The following SGPP2 variants were observed in gnomAD, a reference collection of about 807,000 sequenced individuals.
SGPP2 encodes the protein sphingosine 1-phosphate phosphohydrolase 2.
SGPP2 carries 30 observed loss-of-function variants against 33.9 expected under a neutral mutation model. The observed-to-expected ratio is 0.89, with a 90% CI of 0.66 to 1.20. The LOEUF (loss-of-function observed/expected upper bound fraction) is 1.20, where lower values mean the gene tolerates loss of function less well. Among genes scored for constraint, SGPP2 ranks in the 50% most tolerant of loss-of-function variants. SGPP2 has a pLI of 0.00. For missense variants in SGPP2, 458 were observed against 532.1 expected (o/e 0.86, Z 1.37); for synonymous variants, 233 against 225.0 (o/e 1.04, Z -0.32).
Position 222,521,851 on chromosome 2 carries a change from A to G in SGPP2, c.463A>G (p.Arg155Gly). Residue 155 changes from arginine to glycine, a missense_variant, in exon 3 of 5, where the codon AGA (arginine) becomes GGA (glycine). Arg to Gly is a moderately radical substitution (Grantham distance 125). Transcript: ENST00000321276. ...SSPPVVKLEK[R>G]LIAEYGMPST... Reference sequence around the variant, plus strand: ...CCCTCCAGTTGTAAAACTGGAAAAGAGACTGATCGCTGAATATGGAATGCC... The same window carrying G: ...CCCTCCAGTTGTAAAACTGGAAAAGGGACTGATCGCTGAATATGGAATGCC... 4 of 1,611,292 alleles carry G rather than the reference A, an allele frequency of 2.5e-6. No homozygotes were observed. The highest frequency in any genetic ancestry group is 3.4e-6 in the Non-Finnish European group (4 of 1,179,022).
chr2:222,510,423 T>C (rs1336546116), intron 2 of SGPP2, among the ~76,000 whole-genome samples: 1 of 152,232 alleles, frequency 6.6e-6, no homozygotes, highest in Non-Finnish European at 1.5e-5. Context: ...GTCAATGACA[T>C]AACCAGTTCC....
intron 1 of SGPP2, among the ~76,000 whole-genome samples, chr2:222,450,371 G>A (rs1697465284): frequency 6.6e-6 from 1 of 152,084 alleles, no homozygotes; most frequent in South Asian, 2.1e-4. Flanking sequence ...AGCCATTTGT[G>A]GAAATTTTCC....
chr2:222,522,438 C>A lies in SGPP2; in HGVS notation c.558+492C>A, dbSNP rs375114782. ...GGATGTCTCTGCCCTGGTTAAGGCT[C>A]AGCCACTAGAAATGATGGCTCAAAG... On this transcript the variant is annotated intron_variant, in intron 3 of 4. Transcript: ENST00000321276. 7.2e-5 allele frequency among the ~76,000 whole-genome samples: 11 copies of A among 152,350 alleles called. 1 individual carries two copies. The East Asian group carries it at 1.5e-3, about 21-fold the overall frequency.
intron 2 of SGPP2, among the ~76,000 whole-genome samples, chr2:222,478,149 G>A (rs1392406719): frequency 6.7e-6 from 1 of 149,130 alleles, no homozygotes; most frequent in East Asian, 2.0e-4. Context: ...CCTGGGGAGA[G>A]AGTGGAGGCC....
chr2:222,506,579 A>C (rs573671348), intron 2 of SGPP2, among the ~76,000 whole-genome samples: 1 of 152,320 alleles, frequency 6.6e-6, no homozygotes, highest in South Asian at 2.1e-4. Context: ...TACAGTATAT[A>C]ATACATATAA....
intron 4 of SGPP2, among the ~76,000 whole-genome samples, chr2:222,527,356 G>C (rs532350091): frequency 2.6e-5 from 4 of 152,210 alleles, no homozygotes; most frequent in Admixed American, 2.6e-4. Flanking sequence ...AACCCGCTGT[G>C]ACTCTGAGTT....
chr2:222,547,837 T>C (rs1376549388), intron 4 of SGPP2, among the ~76,000 whole-genome samples: 1 of 152,210 alleles, frequency 6.6e-6, no homozygotes, highest in Non-Finnish European at 1.5e-5. Flanking sequence ...TAGGGTATAA[T>C]TTTTAAATGG....
At chr2:222,489,278 A>G (rs1002448804) in intron 2 of SGPP2, among the ~76,000 whole-genome samples, 1 of 152,138 alleles carries the variant, frequency 6.6e-6, no homozygotes, top group African/African-American at 2.4e-5. Flanking sequence ...AGGTTGAACA[A>G]TTTTCAATGT....
At chr2:222,427,639 T>G (rs1697092669) in intron 1 of SGPP2, among the ~76,000 whole-genome samples, 1 of 152,100 alleles carries the variant, frequency 6.6e-6, no homozygotes, top group African/African-American at 2.4e-5. Context: ...TTTTTCCGCA[T>G]AGCCTAGAAG....
At chr2:222,433,928 C>T (rs1174444601) in intron 1 of SGPP2, among the ~76,000 whole-genome samples, 1 of 152,148 alleles carries the variant, frequency 6.6e-6, no homozygotes, top group African/African-American at 2.4e-5. Context: ...TTTTTGACTT[C>T]TAATTAAGAT....
At chr2:222,434,995 C>T (rs1225994167) in intron 1 of SGPP2, among the ~76,000 whole-genome samples, 6 of 80,520 alleles carry the variant, frequency 7.5e-5, no homozygotes, top group South Asian at 4.0e-4. Context: ...CACACACACA[C>T]ACACACACAC....
At chr2:222,511,808 G>C (rs1698533806) in intron 2 of SGPP2, among the ~76,000 whole-genome samples, 1 of 152,004 alleles carries the variant, frequency 6.6e-6, no homozygotes, top group Non-Finnish European at 1.5e-5. Context: ...CTCCTGAGTA[G>C]CTGGGACTAC....
chr2:222,530,152 T>C (rs762995297), intron 4 of SGPP2, among the ~76,000 whole-genome samples: 2 of 152,250 alleles, frequency 1.3e-5, no homozygotes. Flanking sequence ...CCAGACTTTG[T>C]TATTTCATTT....
At chr2:222,485,282 A>G (rs10203329) in intron 2 of SGPP2, among the ~76,000 whole-genome samples, 48,665 of 152,056 alleles carry the variant, frequency 0.32, 8,363 homozygotes, top group African/African-American at 0.42. Context: ...GCAAGTGCCT[A>G]TATCTACAGC....
At chr2:222,533,302 G>A (rs566903533) in intron 4 of SGPP2, among the ~76,000 whole-genome samples, 9 of 152,226 alleles carry the variant, frequency 5.9e-5, no homozygotes, top group Admixed American at 6.5e-5. Context: ...CCCAGCTCCC[G>A]ACAACTCCTC....
In SGPP2 at chr2:222,550,599, T is replaced by C. The variant is rs147346049; in HGVS notation, c.649-7748T>C. ...CTCACTTATGGTTACCTTGAAACCA[T>C]AGAAAATGAGGTTGCAGAAATTTGT... On this transcript the variant is annotated intron_variant, in intron 4 of 4. Coordinates refer to ENST00000321276, the MANE Select transcript of SGPP2 (RefSeq NM_152386.4). The surrounding 1 kb of genome is among the most constrained non-coding windows in gnomAD (Gnocchi z 4.5). Among the ~76,000 whole-genome samples, 250 of 152,326 alleles carry C rather than the reference T, an allele frequency of 1.6e-3. 1 individual carries two copies. Among genetic ancestry groups the C allele is most frequent in the Admixed American group, 0.014 (217 of 15,304 alleles).
intron 1 of SGPP2, among the ~76,000 whole-genome samples, chr2:222,431,996 G>C (rs1202104751): frequency 6.6e-6 from 1 of 152,256 alleles, no homozygotes; most frequent in African/African-American, 2.4e-5. Flanking sequence ...TGATAATACA[G>C]CTGCAGTTTT....
At chr2:222,494,558 A>G (rs1202162551) in intron 2 of SGPP2, among the ~76,000 whole-genome samples, 2 of 152,214 alleles carry the variant, frequency 1.3e-5, no homozygotes, top group African/African-American at 2.4e-5. Context: ...CTGAATAGCT[A>G]TGTGTTCACA....
chr2:222,547,067 A>T (rs1231617343), intron 4 of SGPP2, among the ~76,000 whole-genome samples: 1 of 152,192 alleles, frequency 6.6e-6, no homozygotes, highest in African/African-American at 2.4e-5. Flanking sequence ...AAGCACTGAA[A>T]CAGTGTAGAT....
Sources: allele counts gnomAD v4.1 joint callset (sites outside exome capture counted in the v4.1 genomes callset), GRCh38; gene constraint gnomAD v4.1.1; non-coding constraint Gnocchi (gnomAD v3.1); transcripts MANE v1.5; gene names NCBI Gene and HGNC (gene_info 2026-07-23, HGNC 2026-07-21).